LHFPL3: variants seen among roughly 807,000 people sequenced by gnomAD.
LHFPL3 encodes the protein LHFPL tetraspan subfamily member 3 protein.
A neutral mutation model predicts 19.3 loss-of-function variants in LHFPL3; 5 were observed. The ratio of observed to expected loss-of-function variants is 0.26; its 90% confidence interval spans 0.14 to 0.54. LHFPL3 has a LOEUF of 0.54. Among genes scored for constraint, LHFPL3 ranks in the 20% least tolerant of loss-of-function variants. The pLI is 0.94. For synonymous variants in LHFPL3, 133 were observed against 126.2 expected (o/e 1.05, Z -0.36); for missense variants, 249 against 307.4 (o/e 0.81, Z 1.42).
intron 1 of LHFPL3, among the ~76,000 whole-genome samples, chr7:104,496,119 TTC>T (rs1793471929): frequency 6.6e-6 from 1 of 152,112 alleles, no homozygotes; most frequent in African/African-American, 2.4e-5. Flanking sequence ...TCCCTCCTCC[TTC>T]CCCCCACCCC....
chr7:104,427,917 C>T (rs527762291), intron 1 of LHFPL3, among the ~76,000 whole-genome samples: 3 of 152,296 alleles, frequency 2.0e-5, no homozygotes, highest in South Asian at 4.1e-4. Context: ...GAAATATCAC[C>T]GGCAGTCCCA....
intron 1 of LHFPL3, among the ~76,000 whole-genome samples, chr7:104,723,681 C>A (rs1192522887): frequency 1.5e-5 from 2 of 135,400 alleles, no homozygotes; most frequent in Non-Finnish European, 3.0e-5. Flanking sequence ...AAGATTGCAC[C>A]ATTGCACTCC....
At chr7:104,468,122 T>A (rs1291010710) in intron 1 of LHFPL3, among the ~76,000 whole-genome samples, 2 of 152,214 alleles carry the variant, frequency 1.3e-5, no homozygotes, top group Non-Finnish European at 2.9e-5. Context: ...GATTTCAATA[T>A]CAAACTGCCA....
chr7:104,906,301 A>G lies in LHFPL3; in HGVS notation c.*86A>G, dbSNP rs1792614309. ...CAGCTTTTGTACATCAACATCAAGA[A>G]GGAATACGCCTGAGAGAGATCAGAG... On this transcript the variant is annotated 3_prime_UTR_variant, in exon 3 of 3. Coordinates refer to ENST00000424859, the MANE Select transcript of LHFPL3 (RefSeq NM_199000.3). The G allele has an allele frequency of 3.5e-6, 5 of 1,437,616 alleles. No homozygotes were observed. The South Asian group carries it at 6.1e-5, about 18-fold the overall frequency. The allele number at this position is 1,437,616 out of a possible 1,614,324, so 89.1% of individuals were successfully genotyped here.
intron 2 of LHFPL3, among the ~76,000 whole-genome samples, chr7:104,824,121 G>T (rs1266566412): frequency 1.1e-5 from 1 of 86,974 alleles, no homozygotes; most frequent in Non-Finnish European, 2.3e-5. Context: ...ACTCCAGCCT[G>T]TGTGACAGAG....
At chr7:104,451,243 AAC>A (rs1792430959) in intron 1 of LHFPL3, among the ~76,000 whole-genome samples, 1 of 152,244 alleles carries the variant, frequency 6.6e-6, no homozygotes, top group Admixed American at 6.5e-5. Context: ...GGATACCACT[AAC>A]ACAGAGTACT....
intron 2 of LHFPL3, among the ~76,000 whole-genome samples, chr7:104,774,891 A>G (rs1794615308): frequency 6.6e-6 from 1 of 152,210 alleles, no homozygotes; most frequent in Non-Finnish European, 1.5e-5. Flanking sequence ...GAGCAGAACC[A>G]TAGACTGTAA....
At position 104,661,727 on chromosome 7, in the gene LHFPL3, C is replaced by T. The variant is rs77224045; in HGVS notation, c.446-74948C>T. 5.4e-3 allele frequency among the ~76,000 whole-genome samples: 825 copies of T among 152,260 alleles called. 45 individuals carry two copies. In the East Asian group the frequency reaches 0.11, roughly 21 times the overall value. On this transcript the variant is annotated intron_variant, in intron 1 of 2. Coordinates refer to ENST00000424859, the MANE Select transcript of LHFPL3 (RefSeq NM_199000.3). Reference sequence around the variant, plus strand: ...ATGCAGAAATTTCTTCTTCCTTCTTCGCAATTTCATGGATGGAAGATTCGT... The same window carrying T: ...ATGCAGAAATTTCTTCTTCCTTCTTTGCAATTTCATGGATGGAAGATTCGT...
chr7:104,602,985 AT>A (rs2115705148), intron 1 of LHFPL3, among the ~76,000 whole-genome samples: 1 of 152,332 alleles, frequency 6.6e-6, no homozygotes, highest in South Asian at 2.1e-4. Flanking sequence ...CAGAGCCATC[AT>A]GACCTAATCG....
chr7:104,728,583 T>G (rs1484938588), intron 1 of LHFPL3, among the ~76,000 whole-genome samples: 2 of 152,212 alleles, frequency 1.3e-5, no homozygotes, highest in African/African-American at 4.8e-5. Context: ...AGTCTATTTT[T>G]GGCCTTAGCT....
At chr7:104,702,290 C>T (rs4730037) in intron 1 of LHFPL3, among the ~76,000 whole-genome samples, 98,419 of 152,024 alleles carry the variant, frequency 0.65, 32,218 homozygotes, top group African/African-American at 0.71. Context: ...CCAGGAAAAA[C>T]ACATACGAGT....
chr7:104,330,227 A>G (rs1801543550), intron 1 of LHFPL3, among the ~76,000 whole-genome samples: 1 of 152,184 alleles, frequency 6.6e-6, no homozygotes, highest in Non-Finnish European at 1.5e-5. Flanking sequence ...CCTCCCTTCT[A>G]AAGTCAAGGG....
chr7:104,407,811 A>T (rs1791450054), intron 1 of LHFPL3, among the ~76,000 whole-genome samples: 1 of 152,232 alleles, frequency 6.6e-6, no homozygotes, highest in Non-Finnish European at 1.5e-5. Flanking sequence ...GGAATGAAAT[A>T]ACTTTATTTA....
At chr7:104,435,365 C>T (rs761369248) in intron 1 of LHFPL3, among the ~76,000 whole-genome samples, 2 of 151,930 alleles carry the variant, frequency 1.3e-5, no homozygotes, top group Non-Finnish European at 2.9e-5. Flanking sequence ...TGCTCTCGAC[C>T]TCCTGGCCTC....
chr7:104,738,880 A>T (rs1213362709), intron 2 of LHFPL3: 2 of 152,054 alleles, frequency 1.3e-5, no homozygotes, highest in Non-Finnish European at 2.9e-5. Context: ...AGGTTTAGGG[A>T]TTATCTTTGC....
intron 1 of LHFPL3, among the ~76,000 whole-genome samples, chr7:104,584,549 A>G (rs1790528631): frequency 6.6e-6 from 1 of 152,140 alleles, no homozygotes; most frequent in African/African-American, 2.4e-5. Flanking sequence ...CATTTCCTAG[A>G]AATTAACTAA....
intron 1 of LHFPL3, among the ~76,000 whole-genome samples, chr7:104,386,273 C>T (rs1338964127): frequency 1.3e-5 from 2 of 152,174 alleles, no homozygotes; most frequent in Non-Finnish European, 2.9e-5. Context: ...CTAAAAAGCT[C>T]CATTCACAGG....
chr7:104,814,802 C>G (rs115752934), intron 2 of LHFPL3, among the ~76,000 whole-genome samples: 72 of 152,318 alleles, frequency 4.7e-4, no homozygotes, highest in African/African-American at 1.7e-3. Context: ...TGTGCACGCT[C>G]GACTGGGCTG....
At position 104,516,675 on chromosome 7, in the gene LHFPL3, G is replaced by C. The variant is rs1296436547; in HGVS notation, c.445+187451G>C. On this transcript the variant is annotated intron_variant, in intron 1 of 2. Transcript: ENST00000424859. Reference sequence around the variant, plus strand: ...TGCTGGCGAGGTTGCAGAGAAAAAGGAATGCTTATACACTGTTGGTGGGAG... The same window carrying C: ...TGCTGGCGAGGTTGCAGAGAAAAAGCAATGCTTATACACTGTTGGTGGGAG... 2.0e-5 allele frequency among the ~76,000 whole-genome samples: 3 copies of C among 152,122 alleles called. No individual in the cohort carries two copies. The East Asian group carries it at 5.8e-4, about 29-fold the overall frequency.
Sources: gnomAD v4.1 joint callset for allele counts (sites outside exome capture counted in the v4.1 genomes callset) on GRCh38, gnomAD v4.1.1 for gene constraint, MANE v1.5 for transcripts, NCBI Gene and HGNC (gene_info 2026-07-23, HGNC 2026-07-21) for gene names.